GTF2F2: variants seen among roughly 807,000 people sequenced by gnomAD.
GTF2F2 encodes general transcription factor IIF subunit 2.
GTF2F2 carries 23 observed loss-of-function variants against 42.2 expected under a neutral mutation model. That is an observed-to-expected ratio of 0.55 (90% CI 0.39 to 0.77). The LOEUF (loss-of-function observed/expected upper bound fraction) is 0.77. Among genes scored for constraint, GTF2F2 ranks in the 30% least tolerant of loss-of-function variants. The probability of loss-of-function intolerance (pLI) is 0.00; values close to 1 mark genes in which losing one functional copy is unlikely to be tolerated. For missense variants in GTF2F2, 261 were observed against 287.2 expected (o/e 0.91, Z 0.66); for synonymous variants, 105 against 100.8 (o/e 1.04, Z -0.25).
intron 5 of GTF2F2, among the ~76,000 whole-genome samples, chr13:45,214,725 T>TCCAAAAACCTAAGAAAACCCTTCTCC (rs1873820889): frequency 7.9e-5 from 12 of 152,220 alleles, no homozygotes; most frequent in African/African-American, 2.7e-4. Context: ...AGTGTAACTT[T>TCCAAAAACCTAAGAAAACCCTTCTCC]TATTTCAGCC....
chr13:45,272,099 A>T (rs1166423786), intron 7 of GTF2F2, among the ~76,000 whole-genome samples: 1 of 149,422 alleles, frequency 6.7e-6, no homozygotes, highest in Admixed American at 6.6e-5. Flanking sequence ...TTTTAAATAT[A>T]AATTTTTTAT....
At position 45,261,915 on chromosome 13, in the gene GTF2F2, C is replaced by A. The variant is rs188294102; in HGVS notation, c.487-5318C>A. ...TGCACTGTTTAGTTTTAAAAAATTA[C>A]CTCAGTGACCTTGGTTTTGTCCTAA... On this transcript the variant is annotated intron_variant, in intron 6 of 7. Coordinates refer to ENST00000340473, the MANE Select transcript of GTF2F2 (RefSeq NM_004128.3). Among the ~76,000 whole-genome samples the A allele has an allele frequency of 4.2e-3, 640 of 152,298 alleles. 5 individuals are homozygous for A. The highest frequency in any genetic ancestry group is 0.014 in the Middle Eastern group (4 of 294).
At chr13:45,226,184 G>T (rs1454477635) in intron 5 of GTF2F2, among the ~76,000 whole-genome samples, 1 of 152,088 alleles carries the variant, frequency 6.6e-6, no homozygotes, top group African/African-American at 2.4e-5. Context: ...GTATCCTTTT[G>T]TGTGATACGA....
At chr13:45,174,422 A>G (rs1871758808) in intron 4 of GTF2F2, among the ~76,000 whole-genome samples, 1 of 152,204 alleles carries the variant, frequency 6.6e-6, no homozygotes, top group Non-Finnish European at 1.5e-5. Context: ...GCTGCCAGGT[A>G]TCCCTCCTTG....
intron 5 of GTF2F2, among the ~76,000 whole-genome samples, chr13:45,244,621 T>C (rs893452313): frequency 2.0e-5 from 3 of 152,184 alleles, no homozygotes; most frequent in African/African-American, 7.2e-5. Flanking sequence ...AACAAAGCTA[T>C]TTAATTTTAT....
chr13:45,240,550 G>A (rs1334409398), intron 5 of GTF2F2, among the ~76,000 whole-genome samples: 5 of 152,138 alleles, frequency 3.3e-5, no homozygotes, highest in Non-Finnish European at 5.9e-5. Context: ...ATTACTGGCC[G>A]GGCAGAGTGG....
At chr13:45,146,372 G>A (rs1035598379) in intron 2 of GTF2F2, among the ~76,000 whole-genome samples, 6 of 151,994 alleles carry the variant, frequency 3.9e-5, no homozygotes, top group Non-Finnish European at 7.4e-5. Context: ...GGTAATGAGC[G>A]CCTGTGGTCC....
intron 4 of GTF2F2, among the ~76,000 whole-genome samples, chr13:45,182,654 A>G (rs1872221798): frequency 6.6e-6 from 1 of 152,136 alleles, no homozygotes; most frequent in South Asian, 2.1e-4. Context: ...ATTTGCTTAA[A>G]GGTAGTCTAC....
chr13:45,262,650 C>G (rs984934325), intron 6 of GTF2F2, among the ~76,000 whole-genome samples: 48 of 152,254 alleles, frequency 3.2e-4, no homozygotes, highest in Non-Finnish European at 1.5e-5. Flanking sequence ...AACTCCTAAG[C>G]TCAAGCGATC....
intron 5 of GTF2F2, among the ~76,000 whole-genome samples, chr13:45,243,033 A>C (rs1034230205): frequency 6.6e-6 from 1 of 152,138 alleles, no homozygotes. Flanking sequence ...TTGCAAATTA[A>C]ATTCTCAGTA....
At chr13:45,229,518 C>G (rs1207241266) in intron 5 of GTF2F2, among the ~76,000 whole-genome samples, 1 of 151,696 alleles carries the variant, frequency 6.6e-6, no homozygotes, top group Non-Finnish European at 1.5e-5. Flanking sequence ...AAATTAGAGG[C>G]TTTTTTTGGG....
At chr13:45,168,848 C>A (rs1871439096) in intron 4 of GTF2F2, among the ~76,000 whole-genome samples, 1 of 146,458 alleles carries the variant, frequency 6.8e-6, no homozygotes, top group Non-Finnish European at 1.5e-5. Context: ...TCCTTCCCTC[C>A]CTCTTTCCTT....
rs185887016 is a variant in GTF2F2 at position 45,281,222 on chromosome 13, C to T, written c.631-2220C>T. On this transcript the variant is annotated intron_variant, in intron 7 of 7. Coordinates refer to ENST00000340473, the MANE Select transcript of GTF2F2 (RefSeq NM_004128.3). ...AGGCAAGCCTCGGGGGAACCCAGGG[C>T]TCATTTGGTTCATTGCTGCCATCTG... Among the ~76,000 whole-genome samples the T allele has an allele frequency of 3.3e-5, 5 of 152,232 alleles. No individual in the cohort carries two copies. The East Asian group carries it at 7.7e-4, about 24-fold the overall frequency.
At chr13:45,268,903 GTTC>G (rs776005810) in intron 7 of GTF2F2, among the ~76,000 whole-genome samples, 40 of 152,138 alleles carry the variant, frequency 2.6e-4, no homozygotes, top group Non-Finnish European at 4.0e-4. Context: ...TTTGGTTTTG[GTTC>G]TTAAGATATT....
intron 2 of GTF2F2, among the ~76,000 whole-genome samples, chr13:45,141,491 G>T (rs1869923364): frequency 6.6e-6 from 1 of 152,090 alleles, no homozygotes; most frequent in African/African-American, 2.4e-5. Flanking sequence ...ACTCTCCAGG[G>T]TGTCCTGGTT....
intron 5 of GTF2F2, among the ~76,000 whole-genome samples, chr13:45,248,096 G>A (rs1172001333): frequency 6.6e-6 from 1 of 152,126 alleles, no homozygotes; most frequent in Non-Finnish European, 1.5e-5. Context: ...GCCCACCTCA[G>A]CCTCCCAAAG....
chr13:45,284,500 A>G lies in GTF2F2; in HGVS notation c.*939A>G, dbSNP rs1019517045. ...TGTTAGTTTTTTCTAGCACAACACA[A>G]TATTATATATTAAGCGATCCAAAAT... On this transcript the variant is annotated 3_prime_UTR_variant, in exon 8 of 8. Coordinates refer to ENST00000340473, the MANE Select transcript of GTF2F2 (RefSeq NM_004128.3). 3 of 152,274 alleles carry G rather than the reference A, an allele frequency of 2.0e-5. No individual in the cohort carries two copies. Among genetic ancestry groups the G allele is most frequent in the Non-Finnish European group, 4.4e-5 (3 of 68,002 alleles). 9.4% of individuals were successfully genotyped at this position (152,274 alleles called of 1,614,324 possible).
At chr13:45,171,478 T>C (rs1463142856) in intron 4 of GTF2F2, among the ~76,000 whole-genome samples, 1 of 152,180 alleles carries the variant, frequency 6.6e-6, no homozygotes, top group African/African-American at 2.4e-5. Flanking sequence ...ACCTTTGCAA[T>C]GAGTAAGAAG....
chr13:45,257,397 C>T (rs1404862433), intron 6 of GTF2F2, among the ~76,000 whole-genome samples: 2 of 152,050 alleles, frequency 1.3e-5, no homozygotes, highest in Admixed American at 1.3e-4. Flanking sequence ...GCATTTTCCA[C>T]AGTAAATTTT....
Sources: gnomAD v4.1 joint callset for allele counts (sites outside exome capture counted in the v4.1 genomes callset) on GRCh38, gnomAD v4.1.1 for gene constraint, MANE v1.5 for transcripts, NCBI Gene and HGNC (gene_info 2026-07-23, HGNC 2026-07-21) for gene names.